AASDH: variants seen among roughly 807,000 people sequenced by gnomAD.
The protein encoded by AASDH is aminoadipate-semialdehyde dehydrogenase.
AASDH carries 81 observed loss-of-function variants against 102.3 expected under a neutral mutation model. The observed-to-expected ratio is 0.79, with a 90% CI of 0.66 to 0.95. The LOEUF (loss-of-function observed/expected upper bound fraction) is 0.95. Ranked by LOEUF, AASDH falls within the 40% of genes least tolerant of loss-of-function variation. The pLI, the probability that AASDH is intolerant of heterozygous loss-of-function variation, is 0.00. For missense variants in AASDH, 1,203 were observed against 1,266.2 expected, an observed-to-expected ratio of 0.95 and a Z score of 0.76; for synonymous variants, 398 against 454.0, an observed-to-expected ratio of 0.88 and a Z score of 1.57.
intron 11 of AASDH, chr4:56,349,004 C>A: frequency 2.0e-6 from 1 of 490,698 alleles, no homozygotes; most frequent in Non-Finnish European, 3.6e-6. Context: ...CCCATTTTAC[C>A]CACAAGGAAA....
chr4:56,378,569 G>A, intron 3 of AASDH, 105 bp from the exon 4 acceptor site: 2 of 1,040,516 alleles, frequency 1.9e-6, no homozygotes, highest in South Asian at 1.8e-5. Flanking sequence ...ATCCTTGGGG[G>A]AATTGGTTCT....
intron 5 of AASDH, among the ~76,000 whole-genome samples, chr4:56,366,385 C>T (rs1389629564): frequency 6.6e-6 from 1 of 152,164 alleles, no homozygotes; most frequent in Non-Finnish European, 1.5e-5. Flanking sequence ...CCAGCATCAT[C>T]CTGATAGCAA....
At chr4:56,355,485 G>A (rs1014477700) in intron 5 of AASDH, 62 bp from the exon 6 acceptor site, 159 of 1,440,140 alleles carry the variant, frequency 1.1e-4, no homozygotes, top group African/African-American at 7.3e-5. Context: ...GGTAAGCACT[G>A]TAGTTATTAT....
At position 56,355,322 on chromosome 4, in the gene AASDH, C is replaced by T. The variant is rs768281923; in HGVS notation, c.963G>A (p.Ala321=). 40 of 1,613,988 alleles carry T rather than the reference C, an allele frequency of 2.5e-5. 1 individual carries two copies. The highest frequency in any genetic ancestry group is 7.7e-5 in the South Asian group (7 of 91,080). The change falls in exon 6 of 15, where the codon GCG becomes GCA. Residue 321 remains alanine, a synonymous_variant. Transcript: ENST00000205214. ...SLRVLALGGE[A]FPSLTVLRSW... ...TTCTGAGAACTGTCAATGATGGAAA[C>T]GCTTCACCACCAAGGGCTAATACTC... is the stretch of plus-strand genomic sequence containing the variant.
chr4:56,371,556 A>C lies in AASDH; in HGVS notation c.756T>G (p.Ala252=), dbSNP rs141137102. The C allele has an allele frequency of 6.3e-5, 102 of 1,613,346 alleles. No homozygotes were observed. Among genetic ancestry groups the C allele is most frequent in the Non-Finnish European group, 7.7e-5 (91 of 1,179,946 alleles). Residue 252 remains alanine (A), a synonymous_variant, in exon 5 of 15, where the codon GCT becomes GCG. Transcript: ENST00000205214. ...FDPSVVEIFL[A]LSSGASLLIV... is the part of the protein sequence containing the mutation. ...TAAGCAGAGAGGCACCACTTGATAG[A>C]GCAAGAAATATTTCCACAACAGAAG...
intron 5 of AASDH, among the ~76,000 whole-genome samples, chr4:56,366,636 T>C (rs1751046706): frequency 6.6e-6 from 1 of 151,730 alleles, no homozygotes; most frequent in African/African-American, 2.4e-5. Context: ...ATTATCTCAA[T>C]AGATGCAGAA....
At chr4:56,340,982 A>G (rs1480897430) in intron 14 of AASDH, among the ~76,000 whole-genome samples, 1 of 152,208 alleles carries the variant, frequency 6.6e-6, no homozygotes, top group Non-Finnish European at 1.5e-5. Context: ...CATCTTACCA[A>G]GTTAAAATGG....
intron 3 of AASDH, 126 bp from the exon 4 acceptor site, chr4:56,378,590 C>G (rs1340668741): frequency 1.2e-6 from 1 of 841,030 alleles, no homozygotes; most frequent in Non-Finnish European, 1.8e-6. Flanking sequence ...AGGATCATCT[C>G]AGATACCAAA....
intron 5 of AASDH, among the ~76,000 whole-genome samples, chr4:56,359,102 G>C (rs1403669021): frequency 7.9e-6 from 1 of 125,860 alleles, no homozygotes; most frequent in Non-Finnish European, 1.7e-5. Context: ...TTTTGTTGTT[G>C]TTGTTTTTGG....
intron 12 of AASDH, among the ~76,000 whole-genome samples, chr4:56,344,538 T>A (rs892846665): frequency 4.6e-5 from 7 of 152,164 alleles, no homozygotes; most frequent in Non-Finnish European, 1.5e-5. Context: ...CTTATAAATA[T>A]AAATGAATTT....
At chr4:56,361,963 C>T (rs1029568969) in intron 5 of AASDH, among the ~76,000 whole-genome samples, 2 of 152,140 alleles carry the variant, frequency 1.3e-5, no homozygotes, top group South Asian at 2.1e-4. Flanking sequence ...CAAAGCAAGA[C>T]CCTGTCTCAA....
At chr4:56,370,933 T>TA (rs1185700872) in intron 5 of AASDH, among the ~76,000 whole-genome samples, 3 of 152,216 alleles carry the variant, frequency 2.0e-5, no homozygotes, top group Non-Finnish European at 4.4e-5. Context: ...TCAAGGCTTG[T>TA]GTACCAGTCA....
At position 56,351,345 on chromosome 4, in the gene AASDH, C is replaced by T; in HGVS notation, c.1689G>A (p.Trp563Ter). ...TTTTATAACTTAAAAATTGTACCTT[C>T]CACAAATACTGTAATTTTTCCCAAA... ...EDLWEKLQYL[W>*]KSTLNLPEDL... Residue 563 changes from tryptophan to a stop codon, truncating the protein, a stop_gained, in exon 10 of 15, where the codon TGG (tryptophan) becomes TGA (stop). Coordinates refer to ENST00000205214, the MANE Select transcript of AASDH (RefSeq NM_181806.4). LOFTEE classifies it high-confidence loss of function. 1 of 1,551,636 alleles carries T rather than the reference C, an allele frequency of 6.4e-7. No homozygotes were observed. Among genetic ancestry groups the T allele is most frequent in the East Asian group, 2.3e-5 (1 of 44,350 alleles).
At position 56,356,324 on chromosome 4, in the gene AASDH, C is replaced by T. The variant is rs1038143992; in HGVS notation, c.862-901G>A. The stretch of plus-strand genomic sequence containing the variant: ...ATAGCCCTGCTCTATCAGGTTGCAG[C>T]GGCAGAGAGCCATCCCTCAATAAGC... On this transcript the variant is annotated intron_variant, in intron 5 of 14. Transcript: ENST00000205214. The T allele has an allele frequency of 1.9e-5, 28 of 1,478,104 alleles. No homozygotes were observed. The East Asian group carries it at 2.9e-4, about 16-fold the overall frequency. The allele number at this position is 1,478,104 out of a possible 1,614,324, so 91.6% of individuals were successfully genotyped here.
chr4:56,354,122 C>G lies in AASDH; in HGVS notation c.1300G>C (p.Asp434His). ...RATGDFVTVKDGEIFFLGRKD... is the reference protein window; with the variant it reads ...RATGDFVTVKHGEIFFLGRKD... The stretch of plus-strand genomic sequence containing the variant: ...CGTCCCAAAAAAAAAATCTCTCCAT[C>G]TTTCACAGTCACAAAGTCTCCTGTA... The change falls in exon 8 of 15, where the codon GAT (aspartate) becomes CAT (histidine). Residue 434 changes from aspartate to histidine, a missense_variant. Transcript: ENST00000205214. 6.2e-7 allele frequency: 1 copy of G among 1,613,494 alleles called. No individual in the cohort carries two copies. The highest frequency in any genetic ancestry group is 8.5e-7 in the Non-Finnish European group (1 of 1,179,626).
intron 3 of AASDH, among the ~76,000 whole-genome samples, chr4:56,379,000 C>G (rs1395092698): frequency 6.6e-6 from 1 of 152,144 alleles, no homozygotes; most frequent in Non-Finnish European, 1.5e-5. Context: ...TCTCCTGCCT[C>G]AGCCTCCCGA....
Position 56,351,397 on chromosome 4 carries a change from TCA to T in AASDH, c.1635_1636del (p.Asn547Ter). Reference sequence around the variant, plus strand: ...GTCCTCTTTCCCACTGAGCTTATTCTCAGACTTCAAGTTTATGTAGTTTAAAT... The same window carrying T: ...GTCCTCTTTCCCACTGAGCTTATTCTGACTTCAAGTTTATGTAGTTTAAAT... On this transcript the variant is annotated frameshift_variant, in exon 10 of 15. Transcript: ENST00000205214. LOFTEE classifies it high-confidence loss of function. 6.2e-7 allele frequency: 1 copy of T among 1,606,264 alleles called. No individual in the cohort carries two copies. Among genetic ancestry groups the T allele is most frequent in the Non-Finnish European group, 8.5e-7 (1 of 1,174,620 alleles).
Position 56,342,982 on chromosome 4 carries a change from GC to G in AASDH, c.2776-17del. Reference sequence around the variant, plus strand: ...TCCCAGTAGCCTGTCACAGGAAAAAGCAATTCACAGCATTTTATGTCATCCT... The same window carrying G: ...TCCCAGTAGCCTGTCACAGGAAAAAGAATTCACAGCATTTTATGTCATCCT... On this transcript the variant is annotated splice_polypyrimidine_tract_variant and intron_variant, in intron 13 of 14. Coordinates refer to ENST00000205214, the MANE Select transcript of AASDH (RefSeq NM_181806.4). The G allele has an allele frequency of 6.4e-7, 1 of 1,553,660 alleles. No individual in the cohort carries two copies. Among genetic ancestry groups the G allele is most frequent in the Non-Finnish European group, 8.7e-7 (1 of 1,149,678 alleles).
At chr4:56,355,032 T>C (rs1203507334) in intron 6 of AASDH, 150 bp downstream of exon 6, 2 of 1,036,968 alleles carry the variant, frequency 1.9e-6, no homozygotes, top group African/African-American at 3.2e-5. Flanking sequence ...CCAGCTATAG[T>C]AAGGAAGGTT....
Sources: allele counts gnomAD v4.1 joint callset (sites outside exome capture counted in the v4.1 genomes callset), GRCh38; gene constraint gnomAD v4.1.1; transcripts MANE v1.5; gene names NCBI Gene and HGNC (gene_info 2026-07-23, HGNC 2026-07-21).